Variants in SYNE1 observed in about 807,000 individuals in gnomAD.
The protein encoded by SYNE1 is nesprin-1.
SYNE1 carries 616 observed loss-of-function variants against 1,111.0 expected under a neutral mutation model. That is an observed-to-expected ratio of 0.55 (90% confidence interval 0.52 to 0.59). The LOEUF (loss-of-function observed/expected upper bound fraction) is 0.59. Among genes scored for constraint, SYNE1 ranks in the 20% least tolerant of loss-of-function variants. SYNE1 has a pLI of 0.00. For synonymous variants in SYNE1, 3,855 were observed against 3,825.8 expected, an observed-to-expected ratio of 1.01 and a Z score of -0.28; for missense variants, 10,006 against 10,417.0, an observed-to-expected ratio of 0.96 and a Z score of 1.72.
In SYNE1 at chr6:152,132,424, G is replaced by C. The variant is rs2295194; in HGVS notation, c.26002-210C>G. 0.62 allele frequency among the ~76,000 whole-genome samples: 93,736 copies of C among 151,544 alleles called. 29,556 individuals are homozygous for C. The highest frequency in any genetic ancestry group is 0.74 in the African/African-American group (30,530 of 41,300). ...TTGGGATTTCCTAGCTGTCCGTTTGGCCGTTCTGGAAAATATAGCTATGAT... is the reference window on the plus strand; with the variant it reads ...TTGGGATTTCCTAGCTGTCCGTTTGCCCGTTCTGGAAAATATAGCTATGAT... On this transcript the variant is annotated intron_variant, in intron 143 of 145. Coordinates refer to ENST00000367255, the MANE Select transcript of SYNE1 (RefSeq NM_182961.4).
At chr6:152,557,090 A>G (rs988539492) in intron 3 of SYNE1, among the ~76,000 whole-genome samples, 1 of 152,200 alleles carries the variant, frequency 6.6e-6, no homozygotes, top group East Asian at 1.9e-4. Flanking sequence ...AAAAATCAGA[A>G]GTTCAACAGA....
chr6:152,442,583 C>T (rs1044441181), intron 30 of SYNE1, among the ~76,000 whole-genome samples: 1 of 152,122 alleles, frequency 6.6e-6, no homozygotes, highest in Non-Finnish European at 1.5e-5. Flanking sequence ...TTATTTTCTG[C>T]TTAAAAACAC....
At chr6:152,605,041 GGA>G (rs2099610350) in intron 3 of SYNE1, among the ~76,000 whole-genome samples, 1 of 40,386 alleles carries the variant, frequency 2.5e-5, no homozygotes, top group Admixed American at 1.9e-4. Context: ...AGAGAGGGAG[GGA>G]GGGAGGGAGG....
chr6:152,219,119 G>A lies in SYNE1; in HGVS notation c.21928C>T (p.Leu7310=). Residue 7310 remains leucine (L), a synonymous_variant, in exon 120 of 146, where the codon CTG becomes TTG. Transcript: ENST00000367255. ...LFFLHELGEQ[L]KQQVDASAAS... is the part of the protein sequence containing the mutation. ...GCGGAAGCATCCACTTGTTGCTTCA[G>A]TTGCTCTCCCAGCTCATGGAGAAAA... 5 of 1,614,124 alleles carry A rather than the reference G, an allele frequency of 3.1e-6. No individual in the cohort carries two copies. The highest frequency in any genetic ancestry group is 4.2e-6 in the Non-Finnish European group (5 of 1,179,996).
chr6:152,346,894 G>A (rs2096646830), intron 73 of SYNE1, among the ~76,000 whole-genome samples, 165 bp downstream of exon 73: 2 of 151,586 alleles, frequency 1.3e-5, no homozygotes. Context: ...TGTTAGTTTT[G>A]TGTTCACATA....
chr6:152,295,715 A>C (rs993513923), intron 93 of SYNE1, among the ~76,000 whole-genome samples: 14 of 152,052 alleles, frequency 9.2e-5, no homozygotes, highest in Non-Finnish European at 1.8e-4. Context: ...AATTTTCAAA[A>C]GTCTATGTAT....
chr6:152,282,644 T>A (rs1270470587), intron 96 of SYNE1, among the ~76,000 whole-genome samples: 2 of 152,192 alleles, frequency 1.3e-5, no homozygotes, highest in Non-Finnish European at 2.9e-5. Flanking sequence ...AAAAGTTAAC[T>A]TTTAAAATAC....
At chr6:152,277,896 A>G in intron 98 of SYNE1, 193 bp downstream of exon 98, 1 of 704,980 alleles carries the variant, frequency 1.4e-6, no homozygotes. Context: ...TAGTCCTAAC[A>G]AAATCTATTT....
intron 91 of SYNE1, chr6:152,302,365 A>G (rs1171499445): frequency 4.1e-6 from 2 of 485,002 alleles, no homozygotes; most frequent in African/African-American, 1.9e-5. Context: ...ATATGGAATC[A>G]TGAACTTCCG....
Position 152,297,431 on chromosome 6 carries a change from C to T in SYNE1, c.17682+3210G>A, listed in dbSNP as rs575449343. ...GTACTGCCCTCGGCCACACTACCTG[C>T]CACCTTCTCTTGTAAGCATTTGCCT... On this transcript the variant is annotated intron_variant, in intron 93 of 145. Coordinates refer to ENST00000367255, the MANE Select transcript of SYNE1 (RefSeq NM_182961.4). 3.3e-5 allele frequency among the ~76,000 whole-genome samples: 5 copies of T among 152,282 alleles called. No individual in the cohort carries two copies. In the East Asian group the frequency reaches 9.6e-4, roughly 29 times the overall value.
Position 152,413,500 on chromosome 6 carries a change from A to G in SYNE1, c.6082T>C (p.Leu2028=), listed in dbSNP as rs757309975. ...CATAGTTCATGCTCGTGAGAATTCA[A>G]TTCATCTTCTAGCTGATTAAACACT... ...LRVFNQLEDE[L]NSHEHELCWL... is the part of the protein sequence containing the mutation. The change falls in exon 42 of 146, where the codon TTG becomes CTG. Residue 2028 remains leucine, a synonymous_variant. Transcript: ENST00000367255. 3.1e-6 allele frequency: 5 copies of G among 1,614,168 alleles called. No individual in the cohort carries two copies. Among genetic ancestry groups the G allele is most frequent in the Non-Finnish European group, 3.4e-6 (4 of 1,180,020 alleles).
At position 152,520,515 on chromosome 6, in the gene SYNE1, G is replaced by A. The variant is rs768958602; in HGVS notation, c.253C>T (p.Arg85Ter). 1.6e-5 allele frequency: 26 copies of A among 1,613,594 alleles called. No homozygotes were observed. The highest frequency in any genetic ancestry group is 2.2e-5 in the Non-Finnish European group (26 of 1,179,706). Residue 85 changes from arginine (R) to a stop codon, truncating the protein, a stop_gained, in exon 6 of 146, where the codon CGA (arginine) becomes TGA (stop). Transcript: ENST00000367255. LOFTEE classifies it high-confidence loss of function. ...CCAATGTTAGCCACAGCATGGATTCGCTTCATCCGGCGTCCTTGTTCACAA... is the reference window on the plus strand; with the variant it reads ...CCAATGTTAGCCACAGCATGGATTCACTTCATCCGGCGTCCTTGTTCACAA... ...LPCEQGRRMKRIHAVANIGTA... is the reference protein window; with the variant it reads ...LPCEQGRRMK
intron 115 of SYNE1, among the ~76,000 whole-genome samples, chr6:152,228,315 G>T (rs1204160807): frequency 6.6e-6 from 1 of 152,158 alleles, no homozygotes; most frequent in African/African-American, 2.4e-5. Flanking sequence ...TCAGTACAAA[G>T]TTCTTTCAAC....
At position 152,364,880 on chromosome 6, in the gene SYNE1, G is replaced by A. The variant is rs748579024; in HGVS notation, c.10112C>T (p.Ala3371Val). The change falls in exon 63 of 146, where the codon GCA becomes GTA. Residue 3371 changes from alanine to valine, a missense_variant. By Grantham distance (64) the Ala-to-Val change is moderately conservative (BLOSUM62 0). This residue lies in a region of SYNE1 where 4,955 missense variants were observed against 5,017.2 expected (regional missense o/e 0.99). Coordinates refer to ENST00000367255, the MANE Select transcript of SYNE1 (RefSeq NM_182961.4). Reference protein sequence around the residue: ...QQLQSVKDMWASLLSAGIRCK... With the variant: ...QQLQSVKDMWVSLLSAGIRCK... ...ACGAATCCCTGCAGACAAAAGGGATGCCCACATATCCTTCACACTCTGCAG... is the reference window on the plus strand; with the variant it reads ...ACGAATCCCTGCAGACAAAAGGGATACCCACATATCCTTCACACTCTGCAG... 26 of 1,614,182 alleles carry A rather than the reference G, an allele frequency of 1.6e-5. No individual in the cohort carries two copies. Among genetic ancestry groups the A allele is most frequent in the Non-Finnish European group, 2.1e-5 (25 of 1,180,040 alleles).
rs570110967 is a variant in SYNE1 at position 152,229,013 on chromosome 6, A to G, written c.21195+1534T>C. On this transcript the variant is annotated intron_variant, in intron 115 of 145. Coordinates refer to ENST00000367255, the MANE Select transcript of SYNE1 (RefSeq NM_182961.4). ...TTATGCAGTCTCAAAATTGTAATCC[A>G]TTAGCTGGGGAGCCAGCACTTCTCT... Among the ~76,000 whole-genome samples the G allele has an allele frequency of 3.3e-5, 5 of 152,286 alleles. 1 individual carries two copies. In the South Asian group the frequency reaches 1.0e-3, roughly 32 times the overall value.
intron 4 of SYNE1, among the ~76,000 whole-genome samples, chr6:152,536,406 T>C (rs941814053): frequency 9.4e-5 from 13 of 137,738 alleles, no homozygotes; most frequent in African/African-American, 3.5e-4. Context: ...ATATACTATA[T>C]ATAGTAATAT....
chr6:152,201,503 G>A (rs576673137), intron 127 of SYNE1, among the ~76,000 whole-genome samples: 2 of 147,436 alleles, frequency 1.4e-5, no homozygotes, highest in South Asian at 2.1e-4. Flanking sequence ...TTGTAGACTC[G>A]ATTCTTCTGG....
intron 59 of SYNE1, 147 bp downstream of exon 59, chr6:152,372,890 C>T (rs765942779): frequency 5.9e-6 from 5 of 847,362 alleles, no homozygotes; most frequent in African/African-American, 3.3e-5. Context: ...CTATTCCTTA[C>T]TGTTAGCCCA....
intron 10 of SYNE1, among the ~76,000 whole-genome samples, chr6:152,500,939 A>T (rs560940733): frequency 1.4e-4 from 20 of 146,920 alleles, no homozygotes; most frequent in Non-Finnish European, 2.2e-4. Context: ...TGACAGAGTG[A>T]GACTCCATCT....
Sources: allele counts gnomAD v4.1 joint callset (sites outside exome capture counted in the v4.1 genomes callset), GRCh38; gene constraint gnomAD v4.1.1; regional missense constraint gnomAD v4.1.1; transcripts MANE v1.5; gene names NCBI Gene and HGNC (gene_info 2026-07-23, HGNC 2026-07-21).